The following SLC13A5 variants were observed in gnomAD, a reference collection of about 807,000 sequenced individuals.
SLC13A5 encodes Na(+)/citrate cotransporter.
A neutral mutation model predicts 56.5 loss-of-function variants in SLC13A5; 25 were observed. That is an observed-to-expected ratio of 0.44 (90% confidence interval 0.32 to 0.62). The LOEUF is 0.62. Among genes scored for constraint, SLC13A5 ranks in the 20% least tolerant of loss-of-function variants. SLC13A5 has a pLI of 0.04. For synonymous variants in SLC13A5, 307 were observed against 301.5 expected (o/e 1.02, Z -0.19); for missense variants, 649 against 737.8 (o/e 0.88, Z 1.39).
Position 6,706,731 on chromosome 17 carries a change from G to A in SLC13A5, c.279C>T (p.Gly93=). Residue 93 remains glycine, a synonymous_variant, in exon 3 of 12, where the codon GGC becomes GGT. Coordinates refer to ENST00000433363, the MANE Select transcript of SLC13A5 (RefSeq NM_177550.5). Reference sequence around the variant, plus strand: ...GCTCCACAGCCACGGCCACGATGAGGCCGCCCAGGAACAGCATGTTGGTGT... The same window carrying A: ...GCTCCACAGCCACGGCCACGATGAGACCGCCCAGGAACAGCATGTTGGTGT... The part of the protein sequence containing the change: ...MKDTNMLFLG[G]LIVAVAVERW... 9 of 1,614,088 alleles carry A rather than the reference G, an allele frequency of 5.6e-6. No individual in the cohort carries two copies. The highest frequency in any genetic ancestry group is 6.8e-6 in the Non-Finnish European group (8 of 1,180,006).
At position 6,687,730 on chromosome 17, in the gene SLC13A5, T is replaced by A; in HGVS notation, c.1438-64A>T. The A allele has an allele frequency of 4.7e-6, 7 of 1,490,926 alleles. No homozygotes were observed. The highest frequency in any genetic ancestry group is 5.3e-6 in the Non-Finnish European group (6 of 1,122,656). 92.4% of individuals were successfully genotyped at this position (1,490,926 alleles called of 1,614,324 possible). On this transcript the variant is annotated intron_variant, in intron 10 of 11. Coordinates refer to ENST00000433363, the MANE Select transcript of SLC13A5 (RefSeq NM_177550.5). The surrounding 1 kb of genome is among the most constrained non-coding windows in gnomAD (Gnocchi z 5.0). Reference sequence around the variant, plus strand: ...ACAGAAGCTCTTGGGGACGTGATTCTGAAAAGGATTCTCTGAATGTGCCGG... The same window carrying A: ...ACAGAAGCTCTTGGGGACGTGATTCAGAAAAGGATTCTCTGAATGTGCCGG...
At chr17:6,696,238 G>T (rs546385081) in intron 6 of SLC13A5, among the ~76,000 whole-genome samples, 1 of 152,294 alleles carries the variant, frequency 6.6e-6, no homozygotes, top group East Asian at 1.9e-4. Context: ...GAGCTTCGGA[G>T]CCTGCGCAAG....
In SLC13A5 at chr17:6,692,670, A is replaced by G. The variant is rs1192410198; in HGVS notation, c.1275+374T>C. On this transcript the variant is annotated intron_variant, in intron 9 of 11. Coordinates refer to ENST00000433363, the MANE Select transcript of SLC13A5 (RefSeq NM_177550.5). The surrounding 1 kb of genome is among the most constrained non-coding windows in gnomAD (Gnocchi z 5.5). The stretch of plus-strand genomic sequence containing the variant: ...GTAGCTACCATGTTAAGTAGCCAGT[A>G]GAAGGACCAAAAGTAGTAGCAAACA... Among the ~76,000 whole-genome samples the G allele has an allele frequency of 6.6e-6, 1 of 152,268 alleles. No individual in the cohort carries two copies. The highest frequency in any genetic ancestry group is 2.4e-5 in the African/African-American group (1 of 41,468).
rs746200244 is a variant in SLC13A5 at position 6,703,049 on chromosome 17, A to T, written c.637T>A (p.Cys213Ser). 3 of 1,614,218 alleles carry T rather than the reference A, an allele frequency of 1.9e-6. No individual in the cohort carries two copies. Among genetic ancestry groups the T allele is most frequent in the South Asian group, 2.2e-5 (2 of 91,088 alleles). ...RLCKAMTLCI[C>S]YAASIGGTAT... ...GTGCCCCCGATGCTGGCCGCGTAGC[A>T]GATGCACAGGGTCATGGCCTTACAC... Residue 213 changes from cysteine to serine, a missense_variant, in exon 5 of 12, where the codon TGC (cysteine) becomes AGC (serine). Cys to Ser is a moderately radical substitution (Grantham distance 112). Transcript: ENST00000433363.
In SLC13A5 at chr17:6,692,516, C is replaced by A. The variant is rs1567615738; in HGVS notation, c.1275+528G>T. Among the ~76,000 whole-genome samples, 1 of 152,176 alleles carries A rather than the reference C, an allele frequency of 6.6e-6. No individual in the cohort carries two copies. The highest frequency in any genetic ancestry group is 6.5e-5 in the Admixed American group (1 of 15,278). On this transcript the variant is annotated intron_variant, in intron 9 of 11. Transcript: ENST00000433363. The surrounding 1 kb of genome is among the most constrained non-coding windows in gnomAD (Gnocchi z 5.5). ...GGACAGCAGCAGCAAGCTAGCTCAT[C>A]CCTCCCTCTGGCTCATTTCTTCCCC...
At chr17:6,689,033 G>A (rs1973323834) in intron 10 of SLC13A5, 1 of 152,100 alleles carries the variant, frequency 6.6e-6, no homozygotes, top group Admixed American at 6.6e-5. Context: ...CAAACCCCCT[G>A]TTACTATGGA....
intron 10 of SLC13A5, chr17:6,689,118 T>C (rs1973325943): frequency 6.6e-6 from 1 of 152,210 alleles, no homozygotes; most frequent in African/African-American, 2.4e-5. Context: ...TTTCCTAAGA[T>C]ATATTCCCAG....
At chr17:6,697,465 C>A (rs1316541652) in intron 6 of SLC13A5, among the ~76,000 whole-genome samples, 2 of 152,210 alleles carry the variant, frequency 1.3e-5, no homozygotes, top group Non-Finnish European at 2.9e-5. Flanking sequence ...TTGCTCTCAT[C>A]TCTGGGTTAA....
rs1265032555 is a variant in SLC13A5, at chr17:6,698,704, A to G, written c.839+2300T>C. Among the ~76,000 whole-genome samples the G allele has an allele frequency of 5.3e-5, 8 of 152,204 alleles. 1 individual carries two copies. On this transcript the variant is annotated intron_variant, in intron 6 of 11. Transcript: ENST00000433363. The stretch of plus-strand genomic sequence containing the variant: ...TCTGTAAATTGGGAATAATAATAAT[A>G]GTGCTGACCTCGCAGGTTGTTGTGA...
Position 6,713,338 on chromosome 17 carries a change from C to T in SLC13A5, c.-5G>A, listed in dbSNP as rs201070767. On this transcript the variant is annotated 5_prime_UTR_variant, in exon 1 of 12. Transcript: ENST00000433363. This position sits in a 1 kb window ranked among gnomAD's most constrained non-coding sequence, Gnocchi z 7.3. ...ATAGCTCAGCGCCGAGGCCATCGCG[C>T]GGGAGGGAGACTGGCGGGCGAGACG... The T allele has an allele frequency of 1.9e-6, 3 of 1,613,222 alleles. No individual in the cohort carries two copies. Among genetic ancestry groups the T allele is most frequent in the Admixed American group, 3.3e-5 (2 of 59,972 alleles).
chr17:6,697,449 G>A (rs1043703070), intron 6 of SLC13A5, among the ~76,000 whole-genome samples: 2 of 152,214 alleles, frequency 1.3e-5, no homozygotes, highest in Non-Finnish European at 2.9e-5. Context: ...CTCGTGCTGA[G>A]CAGCTTTGCT....
chr17:6,691,214 C>T (rs1973398404), intron 9 of SLC13A5, among the ~76,000 whole-genome samples: 1 of 152,230 alleles, frequency 6.6e-6, no homozygotes, highest in African/African-American at 2.4e-5. Context: ...ACTCAACATG[C>T]TCCACCCTGC....
intron 1 of SLC13A5, among the ~76,000 whole-genome samples, chr17:6,708,925 A>G (rs4284696): frequency 0.22 from 32,869 of 151,646 alleles, 3,894 homozygotes; most frequent in East Asian, 0.35. Context: ...GGTAATGTGC[A>G]CGCTCCACAC....
In SLC13A5 at chr17:6,711,067, G is replaced by A. The variant is rs1974009206; in HGVS notation, c.102+2165C>T. ...GACAGGAAAACTGGAGACAGTCGGT[G>A]AGGAGAGAGGCCTGGGTGTTGGCAG... On this transcript the variant is annotated intron_variant, in intron 1 of 11. Coordinates refer to ENST00000433363, the MANE Select transcript of SLC13A5 (RefSeq NM_177550.5). The surrounding 1 kb of genome is among the most constrained non-coding windows in gnomAD (Gnocchi z 4.0). 6.6e-6 allele frequency among the ~76,000 whole-genome samples: 1 copy of A among 152,030 alleles called. No homozygotes were observed. Among genetic ancestry groups the A allele is most frequent in the Admixed American group, 6.6e-5 (1 of 15,254 alleles).
chr17:6,702,977 T>C lies in SLC13A5; in HGVS notation c.709A>G (p.Met237Val), dbSNP rs1295941896. ...TGPNVVLLGQ[M>V]NELFPDSKDL... The stretch of plus-strand genomic sequence containing the variant: ...GTGCGACCAAGGACTCACTCGTTCA[T>C]CTGGCCCAGGAGCACCACGTTGGGT... The change falls in exon 5 of 12, where the codon ATG (methionine) becomes GTG (valine). Residue 237 changes from methionine to valine, a missense_variant. By Grantham distance (21) the Met-to-Val change is conservative. Coordinates refer to ENST00000433363, the MANE Select transcript of SLC13A5 (RefSeq NM_177550.5). 1.2e-6 allele frequency: 2 copies of C among 1,614,052 alleles called. No individual in the cohort carries two copies. The highest frequency in any genetic ancestry group is 1.1e-5 in the South Asian group (1 of 91,074).
At chr17:6,698,057 C>T (rs1009736401) in intron 6 of SLC13A5, among the ~76,000 whole-genome samples, 1 of 152,200 alleles carries the variant, frequency 6.6e-6, no homozygotes, top group Non-Finnish European at 1.5e-5. Flanking sequence ...TGTGGCAGGA[C>T]GTGGCCTGGG....
intron 9 of SLC13A5, among the ~76,000 whole-genome samples, chr17:6,691,913 A>G (rs1597658000): frequency 6.6e-6 from 1 of 152,092 alleles, no homozygotes; most frequent in Non-Finnish European, 1.5e-5. Context: ...TGGTAGCCTT[A>G]CCAGCCTCAT....
intron 6 of SLC13A5, among the ~76,000 whole-genome samples, chr17:6,700,778 G>A (rs1451790363): frequency 6.6e-6 from 1 of 152,188 alleles, no homozygotes; most frequent in East Asian, 1.9e-4. Context: ...GAGGAGGTGG[G>A]AAGGTAGAGA....
rs34298874 is a variant in SLC13A5, at chr17:6,711,442, T to C, written c.102+1790A>G. The stretch of plus-strand genomic sequence containing the variant: ...TCTCTCTCTCTTACACACACACACA[T>C]ACACACACATACACACACACTGAGT... On this transcript the variant is annotated intron_variant, in intron 1 of 11. Coordinates refer to ENST00000433363, the MANE Select transcript of SLC13A5 (RefSeq NM_177550.5). This position sits in a 1 kb window ranked among gnomAD's most constrained non-coding sequence, Gnocchi z 4.0. Among the ~76,000 whole-genome samples, 1,341 of 95,258 alleles carry C rather than the reference T, an allele frequency of 0.014. 23 individuals carry two copies. The highest frequency in any genetic ancestry group is 0.052 in the African/African-American group (1,144 of 21,996). 62.5% of individuals were successfully genotyped at this position (95,258 alleles called of 152,430 possible). A position where few individuals can be genotyped will look rare whatever the true frequency, so the allele number is the denominator to read the frequency against.
Sources: allele counts gnomAD v4.1 joint callset (sites outside exome capture counted in the v4.1 genomes callset), GRCh38; gene constraint gnomAD v4.1.1; non-coding constraint Gnocchi (gnomAD v3.1); transcripts MANE v1.5; gene names NCBI Gene and HGNC (gene_info 2026-07-23, HGNC 2026-07-21).